The following CNKSR2 variants were observed in gnomAD, a reference collection of about 807,000 sequenced individuals.
The protein encoded by CNKSR2 is connector enhancer of kinase suppressor of Ras 2.
In CNKSR2, 14 loss-of-function variants were observed where a neutral mutation model predicts 84.4. The observed-to-expected ratio is 0.17, with a 90% confidence interval of 0.11 to 0.26. The LOEUF (loss-of-function observed/expected upper bound fraction) is 0.26. Ranked by LOEUF, CNKSR2 falls within the 10% of genes least tolerant of loss-of-function variation. The pLI is 1.00. For synonymous variants in CNKSR2, 275 were observed against 277.9 expected (o/e 0.99, Z 0.10); for missense variants, 485 against 771.2 (o/e 0.63, Z 4.40).
chrX:21,452,830 A>G (rs1006126565), intron 4 of CNKSR2, among the ~76,000 whole-genome samples: 2 of 96,661 alleles, frequency 2.1e-5, no homozygotes, highest in Admixed American at 1.1e-4. Context: ...TGCAGACCCC[A>G]TGTGTTAAAA....
intron 13 of CNKSR2, among the ~76,000 whole-genome samples, chrX:21,582,178 G>A (rs892757079): frequency 2.3e-4 from 26 of 111,602 alleles, no homozygotes; most frequent in African/African-American, 5.5e-4. Flanking sequence ...TATTATAAGC[G>A]GTTGCCCAGA....
intron 18 of CNKSR2, among the ~76,000 whole-genome samples, chrX:21,606,217 T>C (rs2092515795): frequency 8.9e-6 from 1 of 111,892 alleles, no homozygotes; most frequent in African/African-American, 3.3e-5. Flanking sequence ...GCCATGTGTT[T>C]CCAAGGAGAG....
chrX:21,379,439 C>G (rs1009115065), intron 1 of CNKSR2, among the ~76,000 whole-genome samples: 2 of 111,549 alleles, frequency 1.8e-5, no homozygotes, highest in East Asian at 5.6e-4. Context: ...CAATTGTCTA[C>G]TTTGGATTTG....
chrX:21,616,537 C>T (rs1365957147), intron 20 of CNKSR2, among the ~76,000 whole-genome samples: 1 of 111,819 alleles, frequency 8.9e-6, no homozygotes, highest in African/African-American at 3.2e-5. Flanking sequence ...TCAGCATACC[C>T]TCTTTATGCT....
At chrX:21,408,759 G>GT (rs1251168414) in intron 1 of CNKSR2, among the ~76,000 whole-genome samples, 275 of 109,110 alleles carry the variant, frequency 2.5e-3, no homozygotes, top group African/African-American at 8.0e-3. Context: ...TATCATGTTA[G>GT]TTTTTTTTTA....
At position 21,426,903 on chromosome X, in the gene CNKSR2, C is replaced by T. The variant is rs988191955; in HGVS notation, c.228+243C>T. 1.6e-5 allele frequency: 6 copies of T among 366,545 alleles called. No individual in the cohort carries two copies. The Admixed American group carries it at 2.2e-4, about 13-fold the overall frequency. 30.2% of individuals were successfully genotyped at this position (366,545 alleles called of 1,213,427 possible). On this transcript the variant is annotated intron_variant, in intron 2 of 21. Coordinates refer to ENST00000379510, the MANE Select transcript of CNKSR2 (RefSeq NM_014927.5). Reference sequence around the variant, plus strand: ...CTTGGGTATATCAGAACCTTAAGTCCAGAGTGTATGTCTCATAAGCAGGGC... The same window carrying T: ...CTTGGGTATATCAGAACCTTAAGTCTAGAGTGTATGTCTCATAAGCAGGGC...
At chrX:21,649,108 A>C (rs2092714551) in intron 21 of CNKSR2, 81 bp downstream of exon 21, 1 of 730,165 alleles carries the variant, frequency 1.4e-6, no homozygotes, top group Admixed American at 3.1e-5. Flanking sequence ...AGGTTAAGAA[A>C]TACAAATTGG....
chrX:21,410,003 A>G (rs1470804751), intron 1 of CNKSR2, among the ~76,000 whole-genome samples: 1 of 107,939 alleles, frequency 9.3e-6, no homozygotes, highest in African/African-American at 3.5e-5. Flanking sequence ...GCATAGCTAA[A>G]TAATCTAGAA....
intron 5 of CNKSR2, among the ~76,000 whole-genome samples, chrX:21,489,548 C>T (rs1450360606): frequency 8.9e-6 from 1 of 111,757 alleles, no homozygotes; most frequent in Non-Finnish European, 1.9e-5. Context: ...CAGTATATTT[C>T]AAGCTTCTTC....
At position 21,591,041 on chromosome X, in the gene CNKSR2, C is replaced by T. The variant is rs371945192; in HGVS notation, c.1677C>T (p.Ser559=). 91 of 1,206,510 alleles carry T rather than the reference C, an allele frequency of 7.5e-5. No individual in the cohort carries two copies. The highest frequency in any genetic ancestry group is 1.0e-4 in the Non-Finnish European group (90 of 893,460). ...CTTTAGGTCCTATAGCAGGCAAGAG[C>T]AAAAGACGAATTTCTTGCAAAGATC... ...KKNKGPIAGK[S]KRRISCKDLG... The change falls in exon 15 of 22, where the codon AGC becomes AGT. Residue 559 remains serine, a synonymous_variant. Transcript: ENST00000379510.
chrX:21,435,543 T>G (rs1408536238), intron 3 of CNKSR2, among the ~76,000 whole-genome samples: 1 of 111,794 alleles, frequency 8.9e-6, no homozygotes, highest in Non-Finnish European at 1.9e-5. Flanking sequence ...AATATTGATT[T>G]CAGTGAAACA....
At chrX:21,385,325 G>C (rs2089953069) in intron 1 of CNKSR2, among the ~76,000 whole-genome samples, 1 of 111,739 alleles carries the variant, frequency 8.9e-6, no homozygotes, top group African/African-American at 3.2e-5. Context: ...TCTACATTTT[G>C]CCACATTTTT....
chrX:21,586,247 A>G lies in CNKSR2; in HGVS notation c.1609-4325A>G, dbSNP rs899133378. On this transcript the variant is annotated intron_variant, in intron 13 of 21. Coordinates refer to ENST00000379510, the MANE Select transcript of CNKSR2 (RefSeq NM_014927.5). ...CGAGGTGTAACCAACTGGGAAGGCA[A>G]GCAGAGCTTCCTCATTCATGAGTAA... Among the ~76,000 whole-genome samples, 3 of 112,118 alleles carry G rather than the reference A, an allele frequency of 2.7e-5. No individual in the cohort carries two copies. In the South Asian group the frequency reaches 1.1e-3, roughly 42 times the overall value.
chrX:21,470,709 A>AT (rs780959423), intron 4 of CNKSR2, 57 bp from the exon 5 acceptor site: 1 of 611,597 alleles, frequency 1.6e-6, no homozygotes. Context: ...CTAAGAAAAT[A>AT]TTTTTAAAAG....
At chrX:21,572,543 T>C in intron 13 of CNKSR2, among the ~76,000 whole-genome samples, 1 of 111,579 alleles carries the variant, frequency 9.0e-6, no homozygotes. Flanking sequence ...TCCACAGGAC[T>C]GGGGAGGCCT....
At chrX:21,641,671 A>G in intron 20 of CNKSR2, 1 of 1,125,667 alleles carries the variant, frequency 8.9e-7, no homozygotes. Flanking sequence ...TACGGCGCAG[A>G]CTCAACATCA....
chrX:21,596,264 G>A (rs147612299), intron 17 of CNKSR2, among the ~76,000 whole-genome samples: 1,261 of 109,303 alleles, frequency 0.012, 21 homozygotes, highest in African/African-American at 0.04. Context: ...AGGTGGATGG[G>A]GCTAATAACC....
At position 21,440,688 on chromosome X, in the gene CNKSR2, T is replaced by A. The variant is rs759418327; in HGVS notation, c.432-6T>A. The A allele has an allele frequency of 8.7e-7, 1 of 1,152,877 alleles. No individual in the cohort carries two copies. Among genetic ancestry groups the A allele is most frequent in the Non-Finnish European group, 1.2e-6 (1 of 851,018 alleles). On this transcript the variant is annotated splice_polypyrimidine_tract_variant and splice_region_variant and intron_variant, in intron 3 of 21. Coordinates refer to ENST00000379510, the MANE Select transcript of CNKSR2 (RefSeq NM_014927.5). Reference sequence around the variant, plus strand: ...AGTAATCACAATTTTCCTTTTCCCTTTATAGGTCACCATTTGCTGCTGTGA... The same window carrying A: ...AGTAATCACAATTTTCCTTTTCCCTATATAGGTCACCATTTGCTGCTGTGA...
intron 4 of CNKSR2, among the ~76,000 whole-genome samples, chrX:21,459,313 C>T (rs961412591): frequency 3.6e-5 from 4 of 112,227 alleles, no homozygotes; most frequent in Non-Finnish European, 7.5e-5. Flanking sequence ...CGTGAGCCAC[C>T]AAGCCAGGCT....
Sources: gnomAD v4.1 joint callset for allele counts (sites outside exome capture counted in the v4.1 genomes callset) on GRCh38, gnomAD v4.1.1 for gene constraint, MANE v1.5 for transcripts, NCBI Gene and HGNC (gene_info 2026-07-23, HGNC 2026-07-21) for gene names.